RBFOX1: variants seen among roughly 807,000 people sequenced by gnomAD.
The protein encoded by RBFOX1 is RNA binding protein fox-1 homolog 1.
RBFOX1 carries 8 observed loss-of-function variants against 57.7 expected under a neutral mutation model. The observed-to-expected ratio is 0.14, with a 90% CI of 0.08 to 0.25. The LOEUF (loss-of-function observed/expected upper bound fraction) is 0.25, where lower values mean the gene tolerates loss of function less well. Ranked by LOEUF, RBFOX1 falls within the 10% of genes least tolerant of loss-of-function variation. The probability of loss-of-function intolerance (pLI) is 1.00; values close to 1 mark genes in which losing one functional copy is unlikely to be tolerated. For synonymous variants in RBFOX1, 326 were observed against 222.4 expected, an observed-to-expected ratio of 1.47 and a Z score of -4.15; for missense variants, 611 against 548.5, an observed-to-expected ratio of 1.11 and a Z score of -1.14.
chr16:5,991,523 G>A (rs1223639453), intron 4 of RBFOX1, among the ~76,000 whole-genome samples: 1 of 152,158 alleles, frequency 6.6e-6, no homozygotes, highest in East Asian at 1.9e-4. Context: ...TATTGATAAG[G>A]ACCATGCATC....
intron 2 of RBFOX1, among the ~76,000 whole-genome samples, chr16:6,542,279 T>C (rs1470167638): frequency 6.6e-6 from 1 of 151,896 alleles, no homozygotes; most frequent in Non-Finnish European, 1.5e-5. Flanking sequence ...TGACCAGAGG[T>C]CAGATACTTA....
intron 3 of RBFOX1, among the ~76,000 whole-genome samples, chr16:6,850,674 C>T (rs149267429): frequency 1.0e-3 from 158 of 152,134 alleles, no homozygotes; most frequent in African/African-American, 3.5e-3. Context: ...TTTTAACTTC[C>T]GTTACATATA....
Position 5,557,853 on chromosome 16 carries a change from C to T in RBFOX1, c.259-41049C>T, listed in dbSNP as rs144299309. 2.2e-3 allele frequency among the ~76,000 whole-genome samples: 342 copies of T among 152,288 alleles called. 1 individual carries two copies. Among genetic ancestry groups the T allele is most frequent in the African/African-American group, 7.9e-3 (327 of 41,552 alleles). On this transcript the variant is annotated intron_variant, in intron 2 of 2. Transcript: ENST00000585867. ...TGGCCTGCCATGCCCCTCGTCCTGG[C>T]CCCGTATAAACTCAAGACCTTAGTG...
chr16:6,940,152 G>A (rs1333352901), intron 3 of RBFOX1, among the ~76,000 whole-genome samples: 1 of 151,964 alleles, frequency 6.6e-6, no homozygotes, highest in Non-Finnish European at 1.5e-5. Flanking sequence ...AGATCACGCT[G>A]CTCCACTCCA....
At chr16:5,760,371 C>T (rs1022981597) in intron 3 of RBFOX1, among the ~76,000 whole-genome samples, 1 of 152,078 alleles carries the variant, frequency 6.6e-6, no homozygotes, top group Non-Finnish European at 1.5e-5. Flanking sequence ...CACACACACA[C>T]ACACACGTAT....
intron 4 of RBFOX1, among the ~76,000 whole-genome samples, chr16:7,475,095 C>T (rs1456450211): frequency 1.3e-5 from 2 of 152,126 alleles, no homozygotes; most frequent in African/African-American, 2.4e-5. Context: ...TTAAAAGAGA[C>T]AGATGGGTGC....
chr16:7,099,552 G>A (rs548469516), intron 4 of RBFOX1, among the ~76,000 whole-genome samples: 3 of 152,260 alleles, frequency 2.0e-5, no homozygotes, highest in African/African-American at 7.2e-5. Context: ...AACTTAGAAA[G>A]GTTATTTTGC....
At chr16:5,248,722 G>A (rs2151072745) in intron 1 of RBFOX1, among the ~76,000 whole-genome samples, 1 of 152,270 alleles carries the variant, frequency 6.6e-6, no homozygotes, top group East Asian at 1.9e-4. Context: ...GGGCACGGTG[G>A]CTCACACCTG....
At chr16:6,866,529 T>C (rs2059937816) in intron 3 of RBFOX1, among the ~76,000 whole-genome samples, 1 of 135,394 alleles carries the variant, frequency 7.4e-6, no homozygotes, top group Admixed American at 8.0e-5. Flanking sequence ...GGTTAGGGCT[T>C]TCTTTCCTTC....
intron 4 of RBFOX1, among the ~76,000 whole-genome samples, chr16:7,254,937 C>T (rs527703552): frequency 6.6e-6 from 1 of 152,236 alleles, no homozygotes; most frequent in South Asian, 2.1e-4. Flanking sequence ...AATTTCAATT[C>T]ACTCATTAAT....
At chr16:5,468,172 T>TA (rs772078188) in intron 2 of RBFOX1, among the ~76,000 whole-genome samples, 7 of 152,222 alleles carry the variant, frequency 4.6e-5, no homozygotes, top group Admixed American at 1.3e-4. Context: ...AGCTCCTTTT[T>TA]AAACAAATTG....
intron 3 of RBFOX1, among the ~76,000 whole-genome samples, chr16:5,638,530 C>A (rs926512070): frequency 6.6e-6 from 1 of 152,170 alleles, no homozygotes; most frequent in African/African-American, 2.4e-5. Flanking sequence ...CAGTCCCCAA[C>A]AAACACAGTG....
At chr16:7,381,969 A>C (rs1251877337) in intron 4 of RBFOX1, among the ~76,000 whole-genome samples, 2 of 152,128 alleles carry the variant, frequency 1.3e-5, no homozygotes, top group Non-Finnish European at 2.9e-5. Flanking sequence ...GGGGGATGAA[A>C]TGTTTCTCCC....
intron 2 of RBFOX1, among the ~76,000 whole-genome samples, chr16:6,637,134 AT>A (rs1232321239): frequency 1.0e-5 from 1 of 97,278 alleles, no homozygotes; most frequent in African/African-American, 4.3e-5. Flanking sequence ...TATATTATAT[AT>A]TAAATATATA....
chr16:5,544,951 C>CTTTTTTTTTTTTTTTT lies in RBFOX1; in HGVS notation c.259-53923_259-53908dup, dbSNP rs59873374. ...GTATAGATGGCCTTACTATTACATT[C>CTTTTTTTTTTTTTTTT]TTTTTTTTTTTTTTTTTTTTTTTTT... On this transcript the variant is annotated intron_variant, in intron 2 of 2. Coordinates refer to the RBFOX1 transcript ENST00000585867. Among the ~76,000 whole-genome samples, 36 of 124,400 alleles carry CTTTTTTTTTTTTTTTT rather than the reference C, an allele frequency of 2.9e-4. 4 individuals carry two copies. The highest frequency in any genetic ancestry group is 5.5e-4 in the African/African-American group (16 of 29,026). 81.6% of individuals were successfully genotyped at this position (124,400 alleles called of 152,430 possible). A position where few individuals can be genotyped will look rare whatever the true frequency, so the allele number is the denominator to read the frequency against.
intron 3 of RBFOX1, among the ~76,000 whole-genome samples, chr16:6,901,832 A>G (rs191787971): frequency 1.2e-4 from 19 of 152,340 alleles, no homozygotes; most frequent in Admixed American, 1.2e-3. Flanking sequence ...ACTGTGTTAA[A>G]TATAAAGTGG....
chr16:6,368,132 A>G (rs1024286126), intron 2 of RBFOX1, among the ~76,000 whole-genome samples: 1 of 152,156 alleles, frequency 6.6e-6, no homozygotes, highest in Non-Finnish European at 1.5e-5. Flanking sequence ...TAAGTTTCAC[A>G]TTCATTGGCT....
At chr16:6,695,330 C>G (rs1292464434) in intron 3 of RBFOX1, among the ~76,000 whole-genome samples, 2 of 144,570 alleles carry the variant, frequency 1.4e-5, no homozygotes. Context: ...GCAGGAGAAT[C>G]GCTTGAACCC....
intron 14 of RBFOX1, among the ~76,000 whole-genome samples, chr16:7,707,087 A>AG (rs1598617316): frequency 6.6e-6 from 1 of 152,214 alleles, no homozygotes; most frequent in African/African-American, 2.4e-5. Context: ...CTCAGAAGAG[A>AG]GGCATCCCTT....
Sources: allele counts gnomAD v4.1 joint callset (sites outside exome capture counted in the v4.1 genomes callset), GRCh38; gene constraint gnomAD v4.1.1; transcripts MANE v1.5; gene names NCBI Gene and HGNC (gene_info 2026-07-23, HGNC 2026-07-21).